The following MORC3 variants were observed in gnomAD, a reference collection of about 807,000 sequenced individuals.
MORC3 encodes MORC family CW-type zinc finger protein 3.
Under a neutral mutation model 109.1 loss-of-function variants are expected in MORC3, and 31 were observed. The ratio of observed to expected loss-of-function variants is 0.28; its 90% CI spans 0.21 to 0.38. The LOEUF (loss-of-function observed/expected upper bound fraction) is 0.38. MORC3 is among the 10% of genes least tolerant of loss of function. The pLI is 1.00. For missense variants in MORC3, 867 were observed against 1,135.8 expected (o/e 0.76, Z 3.40); for synonymous variants, 395 against 380.7 (o/e 1.04, Z -0.44).
In MORC3 at chr21:36,320,258, G is replaced by A; in HGVS notation, c.-7G>A. ...GAGGCCGTTCCTGGCTTTGTAGCTC[G>A]CTCAAGATGGCGGCGCAGCCACCCC... On this transcript the variant is annotated 5_prime_UTR_variant, in exon 1 of 17. Transcript: ENST00000400485. 2.5e-6 allele frequency: 4 copies of A among 1,580,552 alleles called. No homozygotes were observed. The highest frequency in any genetic ancestry group is 1.1e-5 in the South Asian group (1 of 87,002).
At chr21:36,365,051 C>CAAAAAAAA (rs72445251) in intron 14 of MORC3, among the ~76,000 whole-genome samples, 4 of 94,384 alleles carry the variant, frequency 4.2e-5, no homozygotes, top group Admixed American at 1.3e-4. Context: ...GACTCCATCT[C>CAAAAAAAA]AAAAAAAAAA....
chr21:36,349,114 T>A (rs925873107), intron 8 of MORC3, among the ~76,000 whole-genome samples, 197 bp from the exon 9 acceptor site: 12 of 151,978 alleles, frequency 7.9e-5, no homozygotes, highest in Admixed American at 7.9e-4. Context: ...GCCAAGATCA[T>A]GCCACTGCAC....
intron 9 of MORC3, among the ~76,000 whole-genome samples, chr21:36,355,413 C>CTTCTAT: frequency 6.6e-6 from 1 of 152,120 alleles, no homozygotes; most frequent in Admixed American, 6.5e-5. Flanking sequence ...TCATCCAGGC[C>CTTCTAT]TTCTATTTGT....
chr21:36,347,007 T>TAA (rs754081259), intron 8 of MORC3, among the ~76,000 whole-genome samples: 1,138 of 113,644 alleles, frequency 0.01, 8 homozygotes, highest in South Asian at 0.015. Context: ...CCCTGTCTCT[T>TAA]AAAAAAAAAA....
Position 36,362,247 on chromosome 21 carries a change from T to C in MORC3, c.1452+19T>C. 1.9e-6 allele frequency: 3 copies of C among 1,584,498 alleles called. No individual in the cohort carries two copies. ...CCCTCGGGTAATTAAGCCTTCTTTT[T>C]TTTTTTTTTTTTTAAATAGAGATGG... is the stretch of plus-strand genomic sequence containing the variant. On this transcript the variant is annotated intron_variant, in intron 13 of 16. Coordinates refer to ENST00000400485, the MANE Select transcript of MORC3 (RefSeq NM_015358.3).
chr21:36,321,302 C>A (rs1277997728), intron 1 of MORC3, among the ~76,000 whole-genome samples: 1 of 152,120 alleles, frequency 6.6e-6, no homozygotes, highest in Non-Finnish European at 1.5e-5. Flanking sequence ...CTTGCGTTTC[C>A]TTGACTGTTT....
intron 12 of MORC3, chr21:36,360,721 G>A (rs1209336866): frequency 1.1e-5 from 2 of 178,486 alleles, no homozygotes; most frequent in Non-Finnish European, 2.4e-5. Context: ...GGTCATTTTT[G>A]TAATAGGCCT....
At chr21:36,330,017 C>A (rs925449299) in intron 1 of MORC3, among the ~76,000 whole-genome samples, 1 of 152,054 alleles carries the variant, frequency 6.6e-6, no homozygotes, top group Non-Finnish European at 1.5e-5. Flanking sequence ...CATGAGCCAC[C>A]AGGCCCAGCT....
rs747451090 is a variant in MORC3, at chr21:36,369,005, C to G, written c.1637C>G (p.Ser546Cys). The G allele has an allele frequency of 1.9e-6, 3 of 1,609,018 alleles. No homozygotes were observed. Among genetic ancestry groups the G allele is most frequent in the Non-Finnish European group, 2.5e-6 (3 of 1,176,960 alleles). The change falls in exon 15 of 17, where the codon TCT (serine) becomes TGT (cysteine). Residue 546 changes from serine to cysteine, a missense_variant. By Grantham distance (112) the Ser-to-Cys change is moderately radical (BLOSUM62 -1). Coordinates refer to ENST00000400485, the MANE Select transcript of MORC3 (RefSeq NM_015358.3). ...TTTTTCAGCTTGAAACGGAGACTTTCTACTCGTTCCTCAATTTTGAATGCA... is the reference window on the plus strand; with the variant it reads ...TTTTTCAGCTTGAAACGGAGACTTTGTACTCGTTCCTCAATTTTGAATGCA... The part of the protein sequence containing the change: ...PESNSLKRRL[S>C]TRSSILNAKN...
intron 10 of MORC3, among the ~76,000 whole-genome samples, chr21:36,358,594 A>T (rs1569104273): frequency 2.0e-5 from 3 of 152,178 alleles, no homozygotes. Context: ...ATCTCTTAAA[A>T]AAATAAATAA....
intron 5 of MORC3, 81 bp downstream of exon 5, chr21:36,339,002 C>T (rs574680737): frequency 1.4e-6 from 2 of 1,458,144 alleles, no homozygotes; most frequent in South Asian, 2.5e-5. Flanking sequence ...TCTCTCGTTA[C>T]ACACAGTAGA....
At chr21:36,342,840 G>A (rs1004660956) in intron 6 of MORC3, among the ~76,000 whole-genome samples, 156 of 151,816 alleles carry the variant, frequency 1.0e-3, no homozygotes, top group Admixed American at 3.1e-3. Flanking sequence ...CCAACATGGT[G>A]AAATCCTGTC....
Position 36,376,439 on chromosome 21 carries a change from C to A in MORC3, c.*1143C>A, listed in dbSNP as rs550295370. 2.0e-5 allele frequency: 3 copies of A among 152,086 alleles called. No homozygotes were observed. The highest frequency in any genetic ancestry group is 4.4e-5 in the Non-Finnish European group (3 of 67,998). 9.4% of individuals were successfully genotyped at this position (152,086 alleles called of 1,614,324 possible). On this transcript the variant is annotated 3_prime_UTR_variant, in exon 17 of 17. Transcript: ENST00000400485. The stretch of plus-strand genomic sequence containing the variant: ...GTTCATTTTGTATGTATGCTTAATA[C>A]GTGTCGGTCATATACAGTATTGAAT...
intron 14 of MORC3, among the ~76,000 whole-genome samples, chr21:36,366,400 T>A (rs1156505605): frequency 1.3e-5 from 2 of 152,214 alleles, no homozygotes; most frequent in African/African-American, 4.8e-5. Context: ...GAAAATTTTT[T>A]AAAAGTTGGC....
chr21:36,345,877 ACT>A (rs369150940), intron 8 of MORC3, among the ~76,000 whole-genome samples: 108 of 145,682 alleles, frequency 7.4e-4, no homozygotes, highest in African/African-American at 2.5e-3. Context: ...TTTTTGAGAG[ACT>A]CTACCTGGCT....
At chr21:36,340,840 T>A (rs1161930215) in intron 5 of MORC3, among the ~76,000 whole-genome samples, 1 of 152,136 alleles carries the variant, frequency 6.6e-6, no homozygotes, top group African/African-American at 2.4e-5. Flanking sequence ...TTTTGCCATA[T>A]TGACCAGGCT....
chr21:36,360,523 A>G (rs554337467), intron 12 of MORC3: 9 of 370,542 alleles, frequency 2.4e-5, no homozygotes, highest in South Asian at 2.2e-4. Context: ...AGGAATCATT[A>G]GTGAATACCC....
At chr21:36,357,826 C>T (rs1191595132) in intron 10 of MORC3, among the ~76,000 whole-genome samples, 1 of 150,798 alleles carries the variant, frequency 6.6e-6, no homozygotes, top group Non-Finnish European at 1.5e-5. Flanking sequence ...CTGCAACCTC[C>T]ACCTCCCGGG....
chr21:36,363,980 G>A (rs911282896), intron 13 of MORC3, 113 bp from the exon 14 acceptor site: 2 of 1,154,860 alleles, frequency 1.7e-6, no homozygotes, highest in African/African-American at 3.1e-5. Context: ...TACATGTTTG[G>A]AATTGTTTTT....
Sources: allele counts gnomAD v4.1 joint callset (sites outside exome capture counted in the v4.1 genomes callset), GRCh38; gene constraint gnomAD v4.1.1; transcripts MANE v1.5; gene names NCBI Gene and HGNC (gene_info 2026-07-23, HGNC 2026-07-21).